The following NXN variants were observed in gnomAD, a reference collection of about 807,000 sequenced individuals.
NXN encodes the protein nucleoredoxin.
In NXN, 16 loss-of-function variants were observed where a neutral mutation model predicts 48.6. That is an observed-to-expected ratio of 0.33 (90% CI 0.22 to 0.50). NXN has a LOEUF of 0.50. NXN is among the 20% of genes least tolerant of loss of function. The pLI is 0.98. For synonymous variants in NXN, 281 were observed against 269.6 expected, an observed-to-expected ratio of 1.04 and a Z score of -0.41; for missense variants, 492 against 605.5, an observed-to-expected ratio of 0.81 and a Z score of 1.97.
At chr17:841,505 ACACGGGCGAGCAGGTCCCCCCGAC>A (rs1914247906) in intron 1 of NXN, among the ~76,000 whole-genome samples, 5 of 138,640 alleles carry the variant, frequency 3.6e-5, no homozygotes, top group East Asian at 4.1e-4. Flanking sequence ...GGCGCATCTC[ACACGGGCGAGCAGGTCCCCCCGAC>A]CATGGAGCAT....
At chr17:889,521 AC>A (rs1169808145) in intron 1 of NXN, among the ~76,000 whole-genome samples, 1 of 152,026 alleles carries the variant, frequency 6.6e-6, no homozygotes, top group Non-Finnish European at 1.5e-5. Context: ...ACAAGGCAAA[AC>A]CCTGTCTCCA....
At chr17:909,296 A>T (rs2144917614) in intron 1 of NXN, among the ~76,000 whole-genome samples, 1 of 152,240 alleles carries the variant, frequency 6.6e-6, no homozygotes, top group South Asian at 2.1e-4. Flanking sequence ...TTATAAAGCT[A>T]AACATTACAC....
chr17:975,613 G>A (rs1338325087), intron 1 of NXN, among the ~76,000 whole-genome samples: 1 of 152,084 alleles, frequency 6.6e-6, no homozygotes, highest in Admixed American at 6.5e-5. Flanking sequence ...GAAGTCCTGG[G>A]GCCACACCAG....
intron 1 of NXN, among the ~76,000 whole-genome samples, chr17:922,932 G>A (rs1392776902): frequency 1.3e-5 from 2 of 151,840 alleles, no homozygotes; most frequent in Non-Finnish European, 2.9e-5. Context: ...GATTACAGAC[G>A]TGAGCCACCA....
At chr17:959,325 G>A (rs775382905) in intron 1 of NXN, 25 of 262,382 alleles carry the variant, frequency 9.5e-5, no homozygotes, top group East Asian at 1.5e-4. Flanking sequence ...TCCCAGGCCC[G>A]CGACACTCCA....
Position 932,788 on chromosome 17 carries a change from T to C in NXN, c.360+46531A>G, listed in dbSNP as rs2068868399. On this transcript the variant is annotated intron_variant, in intron 1 of 7. Coordinates refer to ENST00000336868, the MANE Select transcript of NXN (RefSeq NM_022463.5). This position sits in a 1 kb window ranked among gnomAD's most constrained non-coding sequence, Gnocchi z 4.1. ...GTTGTGGCCGGCTTCGCATAAGTCA[T>C]CTGCGCCCGCCACCACGCCAGGCTA... Among the ~76,000 whole-genome samples, 1 of 152,102 alleles carries C rather than the reference T, an allele frequency of 6.6e-6. No homozygotes were observed. Among genetic ancestry groups the C allele is most frequent in the Non-Finnish European group, 1.5e-5 (1 of 68,010 alleles).
At chr17:845,724 C>T (rs1014455767) in intron 1 of NXN, among the ~76,000 whole-genome samples, 2 of 152,210 alleles carry the variant, frequency 1.3e-5, no homozygotes, top group Admixed American at 1.3e-4. Context: ...CATAGGCAGG[C>T]GGATATTCCA....
At chr17:835,343 C>T (rs1913754779) in intron 1 of NXN, among the ~76,000 whole-genome samples, 1 of 151,730 alleles carries the variant, frequency 6.6e-6, no homozygotes, top group Non-Finnish European at 1.5e-5. Flanking sequence ...ATAGCAAACC[C>T]CCAACGCCTA....
At chr17:855,597 A>T (rs2067976646) in intron 1 of NXN, among the ~76,000 whole-genome samples, 1 of 152,246 alleles carries the variant, frequency 6.6e-6, no homozygotes, top group African/African-American at 2.4e-5. Flanking sequence ...CCCAGAAGGA[A>T]GCAGTCCTCC....
Position 836,883 on chromosome 17 carries a change from C to G in NXN, c.361-10805G>C, listed in dbSNP as rs566801259. Among the ~76,000 whole-genome samples the G allele has an allele frequency of 1.9e-4, 29 of 152,240 alleles. No individual in the cohort carries two copies. In the South Asian group the frequency reaches 6.0e-3, roughly 32 times the overall value. On this transcript the variant is annotated intron_variant, in intron 1 of 7. Transcript: ENST00000336868. ...CATGGCTCACTGCAGCCTCCACCTC[C>G]CGGGCTCAAGCCATCCTCCCACCTC... is the stretch of plus-strand genomic sequence containing the variant.
At chr17:943,050 A>ATC (rs2068997890) in intron 1 of NXN, among the ~76,000 whole-genome samples, 1 of 150,792 alleles carries the variant, frequency 6.6e-6, no homozygotes. Flanking sequence ...GAATTCACCA[A>ATC]ACACCTCCCT....
rs537663574 is a variant in NXN at position 919,779 on chromosome 17, A to C, written c.360+59540T>G. 1.7e-3 allele frequency among the ~76,000 whole-genome samples: 258 copies of C among 152,234 alleles called. 1 individual carries two copies. Among genetic ancestry groups the C allele is most frequent in the South Asian group, 1.2e-3 (6 of 4,814 alleles). On this transcript the variant is annotated intron_variant, in intron 1 of 7. Coordinates refer to ENST00000336868, the MANE Select transcript of NXN (RefSeq NM_022463.5). The surrounding 1 kb of genome is among the most constrained non-coding windows in gnomAD (Gnocchi z 5.1). ...AACTAGGGGCAGAGCGGTCCGGCAC[A>C]AAACACCAGGAAACGCTCTCCCTTC... is the stretch of plus-strand genomic sequence containing the variant.
rs1326587008 is a variant in NXN, at chr17:955,827, G to A, written c.360+23492C>T. Among the ~76,000 whole-genome samples, 40 of 152,054 alleles carry A rather than the reference G, an allele frequency of 2.6e-4. 1 individual carries two copies. Among genetic ancestry groups the A allele is most frequent in the African/African-American group, 8.4e-4 (35 of 41,480 alleles). ...TGAGGCAGGAGAATGGCGTGAACCC[G>A]GGAGGCGGAGCTTGCAGTGAGCCGA... is the stretch of plus-strand genomic sequence containing the variant. On this transcript the variant is annotated intron_variant, in intron 1 of 7. Coordinates refer to ENST00000336868, the MANE Select transcript of NXN (RefSeq NM_022463.5).
At chr17:839,755 A>G (rs1445714979) in intron 1 of NXN, among the ~76,000 whole-genome samples, 1 of 142,504 alleles carries the variant, frequency 7.0e-6, no homozygotes, top group African/African-American at 2.6e-5. Flanking sequence ...GTGAATCGTG[A>G]TGGTGCCACT....
chr17:915,282 C>T (rs992465769), intron 1 of NXN, among the ~76,000 whole-genome samples: 10 of 151,764 alleles, frequency 6.6e-5, no homozygotes, highest in African/African-American at 2.2e-4. Context: ...ATTAGCATGA[C>T]CTCTAGGAAT....
chr17:829,933 C>T (rs990360926), intron 1 of NXN, among the ~76,000 whole-genome samples: 3 of 152,152 alleles, frequency 2.0e-5, no homozygotes, highest in Non-Finnish European at 2.9e-5. Flanking sequence ...AATAAACATA[C>T]GTGTGCATGT....
intron 5 of NXN, among the ~76,000 whole-genome samples, chr17:809,406 G>A (rs1478051818): frequency 1.3e-5 from 2 of 152,206 alleles, no homozygotes; most frequent in Non-Finnish European, 1.5e-5. Context: ...TCAAAGCCAG[G>A]TGCGCCGAGA....
chr17:821,894 G>A (rs1416972633), intron 4 of NXN, among the ~76,000 whole-genome samples: 5 of 148,672 alleles, frequency 3.4e-5, no homozygotes, highest in East Asian at 2.0e-4. Flanking sequence ...CAGAAAATAC[G>A]TCCTAATCTC....
chr17:930,898 A>G (rs2068846552), intron 1 of NXN, among the ~76,000 whole-genome samples: 1 of 151,434 alleles, frequency 6.6e-6, no homozygotes, highest in African/African-American at 2.4e-5. Context: ...CAGCCTCCTG[A>G]GTAGCTGGGA....
Sources: gnomAD v4.1 joint callset for allele counts (sites outside exome capture counted in the v4.1 genomes callset) on GRCh38, gnomAD v4.1.1 for gene constraint, Gnocchi (gnomAD v3.1) non-coding constraint, MANE v1.5 for transcripts, NCBI Gene and HGNC (gene_info 2026-07-23, HGNC 2026-07-21) for gene names.